The following CYSLTR2 variants were observed in gnomAD, a reference collection of about 807,000 sequenced individuals.
CYSLTR2 encodes the protein G-protein coupled receptor GPCR21.
For synonymous variants in CYSLTR2, 179 were observed against 160.8 expected, an observed-to-expected ratio of 1.11 and a Z score of -0.86; for missense variants, 398 against 411.9, an observed-to-expected ratio of 0.97 and a Z score of 0.29.
chr13:48,696,298 A>G lies in CYSLTR2; in HGVS notation c.-102-228A>G, dbSNP rs139265271. ...AAGAGTTCTTTATATATTCTAAATAACCCTGTTTTGATAAGTGATTTGCAA... is the reference window on the plus strand; with the variant it reads ...AAGAGTTCTTTATATATTCTAAATAGCCCTGTTTTGATAAGTGATTTGCAA... On this transcript the variant is annotated intron_variant, in intron 3 of 4. Transcript: ENST00000682523. Among the ~76,000 whole-genome samples the G allele has an allele frequency of 2.3e-3, 352 of 152,146 alleles. 2 individuals carry two copies. The highest frequency in any genetic ancestry group is 7.3e-3 in the African/African-American group (303 of 41,510).
intron 1 of CYSLTR2, among the ~76,000 whole-genome samples, chr13:48,687,085 C>T (rs1216615697): frequency 6.7e-6 from 1 of 149,670 alleles, no homozygotes; most frequent in Non-Finnish European, 1.5e-5. Flanking sequence ...GGACATTCTT[C>T]TCCTTCTGCC....
chr13:48,695,328 C>A (rs1954151208), intron 3 of CYSLTR2, among the ~76,000 whole-genome samples: 1 of 133,716 alleles, frequency 7.5e-6, no homozygotes, highest in Non-Finnish European at 1.6e-5. Flanking sequence ...TTTTTCTTTT[C>A]TTTCTCTTTT....
chr13:48,680,583 T>C (rs1415848741), intron 1 of CYSLTR2, among the ~76,000 whole-genome samples: 1 of 152,184 alleles, frequency 6.6e-6, no homozygotes, highest in East Asian at 1.9e-4. Context: ...TCTGTATTTG[T>C]TCTGAATCCC....
intron 3 of CYSLTR2, among the ~76,000 whole-genome samples, chr13:48,695,374 ATTCT>A (rs1352156028): frequency 1.3e-4 from 11 of 86,794 alleles, no homozygotes; most frequent in East Asian, 2.8e-4. Flanking sequence ...CTTTCTCTTT[ATTCT>A]TTCTTTCTTT....
chr13:48,694,118 G>A (rs867348390), intron 3 of CYSLTR2, among the ~76,000 whole-genome samples: 5 of 152,280 alleles, frequency 3.3e-5, no homozygotes, highest in African/African-American at 4.8e-5. Context: ...TTGATTCTCC[G>A]ATCTTGAGTC....
At position 48,654,250 on chromosome 13, in the gene CYSLTR2, T is replaced by TG. The variant is rs1952942580; in HGVS notation, c.-266+233_-266+234insG. Among the ~76,000 whole-genome samples, 9 of 128,762 alleles carry TG rather than the reference T, an allele frequency of 7.0e-5. 1 individual carries two copies. In the East Asian group the frequency reaches 1.1e-3, roughly 16 times the overall value. 84.5% of individuals were successfully genotyped at this position (128,762 alleles called of 152,430 possible). A position where few individuals can be genotyped will look rare whatever the true frequency, so the allele number is the denominator to read the frequency against. On this transcript the variant is annotated intron_variant, in intron 1 of 4. Coordinates refer to ENST00000682523, the MANE Select transcript of CYSLTR2 (RefSeq NM_001308476.3). ...CTATTGATATTTTGGGGATCGTCCC[T>TG]TTGTGTGTGTGTGTGTGTGTGTGTG...
chr13:48,700,394 T>C (rs1347029411), intron 4 of CYSLTR2, among the ~76,000 whole-genome samples: 12 of 152,198 alleles, frequency 7.9e-5, no homozygotes, highest in Non-Finnish European at 1.6e-4. Flanking sequence ...TAATCCATCA[T>C]GTAAACAGAA....
chr13:48,675,853 A>T (rs964282584), intron 1 of CYSLTR2, among the ~76,000 whole-genome samples: 1 of 152,192 alleles, frequency 6.6e-6, no homozygotes, highest in African/African-American at 2.4e-5. Context: ...GCCAAATAGC[A>T]TCATCCCCCA....
chr13:48,703,713 G>A (rs575253608), intron 4 of CYSLTR2, among the ~76,000 whole-genome samples: 9 of 152,126 alleles, frequency 5.9e-5, no homozygotes, highest in South Asian at 2.1e-4. Context: ...ACTTTGCCTC[G>A]TTTTGGTATC....
At chr13:48,672,470 T>A (rs556409046) in intron 1 of CYSLTR2, among the ~76,000 whole-genome samples, 3 of 152,292 alleles carry the variant, frequency 2.0e-5, no homozygotes, top group East Asian at 3.9e-4. Context: ...GAGGTTCTGA[T>A]ACATTGTGTC....
At chr13:48,662,161 C>A (rs1323191916) in intron 1 of CYSLTR2, among the ~76,000 whole-genome samples, 4 of 152,204 alleles carry the variant, frequency 2.6e-5, no homozygotes, top group Admixed American at 1.3e-4. Flanking sequence ...TCCATTTCCA[C>A]CCTTGTTGCC....
intron 1 of CYSLTR2, among the ~76,000 whole-genome samples, chr13:48,671,488 G>A (rs1031836233): frequency 6.6e-6 from 1 of 152,178 alleles, no homozygotes; most frequent in South Asian, 2.1e-4. Context: ...TAGCATGAAA[G>A]GGTGTTGAAT....
At chr13:48,689,615 T>A (rs1953984837) in intron 1 of CYSLTR2, among the ~76,000 whole-genome samples, 1 of 152,034 alleles carries the variant, frequency 6.6e-6, no homozygotes, top group African/African-American at 2.4e-5. Context: ...GGTCTATATA[T>A]CTGTTTTTGT....
Position 48,707,517 on chromosome 13 carries a change from C to T in CYSLTR2, c.700C>T (p.Pro234Ser), listed in dbSNP as rs1278872423. 4 of 1,610,468 alleles carry T rather than the reference C, an allele frequency of 2.5e-6. No homozygotes were observed. In the Admixed American group the frequency reaches 6.7e-5, roughly 27 times the overall value. Residue 234 changes from proline (P) to serine (S), a missense_variant, in exon 5 of 5, where the codon CCA (proline) becomes TCA (serine). Transcript: ENST00000682523. ...TCGGGTTCTGTTAAAAGTGGAGGTC[C>T]CAGAATCGGGGCTGCGGGTTTCTCA... ...IIRVLLKVEVPESGLRVSHRK... is the reference protein window; with the variant it reads ...IIRVLLKVEVSESGLRVSHRK...
intron 4 of CYSLTR2, among the ~76,000 whole-genome samples, chr13:48,696,966 G>A (rs1954206702): frequency 6.6e-6 from 1 of 152,188 alleles, no homozygotes; most frequent in African/African-American, 2.4e-5. Flanking sequence ...TTGGGGAGGG[G>A]CATCCACCAT....
Position 48,708,942 on chromosome 13 carries a change from G to T in CYSLTR2, c.*1084G>T, listed in dbSNP as rs1954573797. 6.0e-6 allele frequency: 1 copy of T among 167,060 alleles called. No individual in the cohort carries two copies. The highest frequency in any genetic ancestry group is 6.5e-5 in the Admixed American group (1 of 15,286). 10.3% of individuals were successfully genotyped at this position (167,060 alleles called of 1,614,324 possible). A position where few individuals can be genotyped will look rare whatever the true frequency, so the allele number is the denominator to read the frequency against. Reference sequence around the variant, plus strand: ...ACCAACTACTATCACCATGACCATTGTACTGACAACAATTGAATGCAGTCT... The same window carrying T: ...ACCAACTACTATCACCATGACCATTTTACTGACAACAATTGAATGCAGTCT... On this transcript the variant is annotated 3_prime_UTR_variant, in exon 5 of 5. Transcript: ENST00000682523.
intron 1 of CYSLTR2, among the ~76,000 whole-genome samples, chr13:48,689,063 G>A (rs1953969440): frequency 6.6e-6 from 1 of 152,208 alleles, no homozygotes; most frequent in Non-Finnish European, 1.5e-5. Flanking sequence ...CTTCTTTTGA[G>A]AAGTGTCTGT....
At chr13:48,697,905 A>G (rs1414117002) in intron 4 of CYSLTR2, among the ~76,000 whole-genome samples, 1 of 152,226 alleles carries the variant, frequency 6.6e-6, no homozygotes, top group Non-Finnish European at 1.5e-5. Flanking sequence ...ATCAAGTGGA[A>G]GAAAGGTTAT....
At chr13:48,668,637 T>C (rs1953332274) in intron 1 of CYSLTR2, among the ~76,000 whole-genome samples, 1 of 152,172 alleles carries the variant, frequency 6.6e-6, no homozygotes. Flanking sequence ...CTTTAAGTTC[T>C]GGGATACATG....
Sources: gnomAD v4.1 joint callset for allele counts (sites outside exome capture counted in the v4.1 genomes callset) on GRCh38, gnomAD v4.1.1 for gene constraint, MANE v1.5 for transcripts, NCBI Gene and HGNC (gene_info 2026-07-23, HGNC 2026-07-21) for gene names.